The following DPP10 variants were observed in gnomAD, a reference collection of about 807,000 sequenced individuals.
The protein encoded by DPP10 is inactive dipeptidyl peptidase 10.
A neutral mutation model predicts 120.9 loss-of-function variants in DPP10; 33 were observed. The observed-to-expected ratio is 0.27, with a 90% CI of 0.21 to 0.37. The LOEUF (loss-of-function observed/expected upper bound fraction) is 0.37. Ranked by LOEUF, DPP10 falls within the 10% of genes least tolerant of loss-of-function variation. DPP10 has a pLI of 1.00. For synonymous variants in DPP10, 337 were observed against 326.1 expected, an observed-to-expected ratio of 1.03 and a Z score of -0.36; for missense variants, 816 against 942.8, an observed-to-expected ratio of 0.87 and a Z score of 1.76.
At chr2:114,903,010 GTTTTGCC>G (rs1254758279) in intron 1 of DPP10, among the ~76,000 whole-genome samples, 1 of 151,948 alleles carries the variant, frequency 6.6e-6, no homozygotes. Flanking sequence ...TATCTCTATA[GTTTTGCC>G]TTTGCCAGAA....
chr2:115,300,313 A>G (rs1026168331), intron 1 of DPP10, among the ~76,000 whole-genome samples: 9 of 152,068 alleles, frequency 5.9e-5, no homozygotes, highest in Non-Finnish European at 7.4e-5. Flanking sequence ...TTTAAGTGGA[A>G]TGATACAGTA....
In DPP10 at chr2:114,532,303, A is replaced by G. The variant is rs1423143318; in HGVS notation, c.60+89465A>G. Among the ~76,000 whole-genome samples the G allele has an allele frequency of 5.4e-5, 7 of 130,244 alleles. No homozygotes were observed. The South Asian group carries it at 1.7e-3, about 32-fold the overall frequency. 85.4% of individuals were successfully genotyped at this position (130,244 alleles called of 152,430 possible). ...TATATATATATATATATATACACAC[A>G]CACACACACACACAGATACACACCA... is the stretch of plus-strand genomic sequence containing the variant. On this transcript the variant is annotated intron_variant, in intron 1 of 25. Transcript: ENST00000410059.
intron 1 of DPP10, among the ~76,000 whole-genome samples, chr2:114,592,318 T>G (rs1418684769): frequency 3.3e-5 from 5 of 152,178 alleles, no homozygotes; most frequent in Admixed American, 3.3e-4. Flanking sequence ...TGTTTGATGG[T>G]AAACTTTTCC....
intron 1 of DPP10, among the ~76,000 whole-genome samples, chr2:115,262,810 T>G (rs1030351537): frequency 2.0e-5 from 3 of 152,170 alleles, no homozygotes; most frequent in Non-Finnish European, 4.4e-5. Flanking sequence ...CATGAATTAT[T>G]TCTTCCCAAG....
At chr2:115,778,842 C>T (rs565198803) in intron 15 of DPP10, among the ~76,000 whole-genome samples, 2 of 152,044 alleles carry the variant, frequency 1.3e-5, no homozygotes, top group Non-Finnish European at 2.9e-5. Flanking sequence ...TTCTCGTGGA[C>T]CTCCTGGAAC....
intron 1 of DPP10, among the ~76,000 whole-genome samples, chr2:115,214,852 T>C (rs552164170): frequency 6.6e-6 from 1 of 152,302 alleles, no homozygotes; most frequent in South Asian, 2.1e-4. Context: ...CTTGCTTCCT[T>C]TGACCCCCAG....
chr2:114,588,232 A>G (rs1384209519), intron 1 of DPP10, among the ~76,000 whole-genome samples: 1 of 152,222 alleles, frequency 6.6e-6, no homozygotes, highest in Non-Finnish European at 1.5e-5. Flanking sequence ...GGGTTTATAT[A>G]CAAAGGCGTA....
chr2:115,781,084 G>T, intron 16 of DPP10, 89 bp downstream of exon 16: 1 of 1,074,448 alleles, frequency 9.3e-7, no homozygotes, highest in Non-Finnish European at 1.3e-6. Context: ...TACTCTAGAT[G>T]ATTTCATAAT....
At position 115,360,071 on chromosome 2, in the gene DPP10, T is replaced by C. The variant is rs567933416; in HGVS notation, c.271+16159T>C. Among the ~76,000 whole-genome samples the C allele has an allele frequency of 1.5e-3, 231 of 152,354 alleles. 1 individual carries two copies. The highest frequency in any genetic ancestry group is 5.1e-3 in the African/African-American group (211 of 41,592). ...TCTCTTGAATCGCATTGAGCTTCCT[T>C]GTTACCAAGATTCTGAATTCTATGT... On this transcript the variant is annotated intron_variant, in intron 3 of 25. Coordinates refer to ENST00000410059, the MANE Select transcript of DPP10 (RefSeq NM_020868.6).
intron 1 of DPP10, among the ~76,000 whole-genome samples, chr2:114,490,405 G>A (rs1573474732): frequency 1.3e-5 from 2 of 152,114 alleles, no homozygotes; most frequent in African/African-American, 2.4e-5. Context: ...CTCCACTCTA[G>A]CACAGTAATT....
chr2:115,144,799 A>G (rs902290101), intron 1 of DPP10: 1 of 152,038 alleles, frequency 6.6e-6, no homozygotes, highest in African/African-American at 2.4e-5. Context: ...CATGTACCCT[A>G]AAACTTAAAG....
intron 5 of DPP10, among the ~76,000 whole-genome samples, chr2:115,634,143 T>G (rs1450158079): frequency 6.6e-6 from 1 of 152,160 alleles, no homozygotes; most frequent in Non-Finnish European, 1.5e-5. Flanking sequence ...ATCCGGTCAT[T>G]TATGTTCCTC....
chr2:114,919,011 T>G (rs1695007388), intron 1 of DPP10, among the ~76,000 whole-genome samples: 1 of 130,532 alleles, frequency 7.7e-6, no homozygotes, highest in African/African-American at 2.9e-5. Flanking sequence ...GTTGAAAAAA[T>G]TAAAATATAT....
chr2:115,408,532 G>A (rs1034041124), intron 3 of DPP10, among the ~76,000 whole-genome samples: 2 of 151,972 alleles, frequency 1.3e-5, no homozygotes, highest in Admixed American at 6.6e-5. Flanking sequence ...TTACTTTCAG[G>A]CATACGTGTA....
At chr2:115,568,553 CTTTTT>C (rs11404230) in intron 5 of DPP10, among the ~76,000 whole-genome samples, 1 of 147,720 alleles carries the variant, frequency 6.8e-6, no homozygotes, top group African/African-American at 2.5e-5. Context: ...TGAGGTTGAT[CTTTTT>C]TTTTTTGTAT....
At chr2:115,232,395 G>C (rs1173273380) in intron 1 of DPP10, among the ~76,000 whole-genome samples, 1 of 152,106 alleles carries the variant, frequency 6.6e-6, no homozygotes, top group Non-Finnish European at 1.5e-5. Flanking sequence ...AAGGCACTTA[G>C]CAAACTTGGG....
intron 3 of DPP10, among the ~76,000 whole-genome samples, chr2:115,489,453 C>G (rs1574997103): frequency 6.6e-6 from 1 of 152,000 alleles, no homozygotes; most frequent in East Asian, 1.9e-4. Flanking sequence ...TATCTCCTTC[C>G]TTTTGGAATT....
rs1320407541 is a variant in DPP10, at chr2:114,723,711, A to AT, written c.60+280881dup. On this transcript the variant is annotated intron_variant, in intron 1 of 25. Coordinates refer to ENST00000410059, the MANE Select transcript of DPP10 (RefSeq NM_020868.6). ...TTCTCCCCCTACCCTCTTTAGTGCT[A>AT]TTTTTTTTCTAAAATTGCCCTTTCC... 5.3e-5 allele frequency among the ~76,000 whole-genome samples: 8 copies of AT among 151,224 alleles called. No individual in the cohort carries two copies. The East Asian group carries it at 1.4e-3, about 26-fold the overall frequency.
At chr2:115,221,515 A>G (rs893265874) in intron 1 of DPP10, among the ~76,000 whole-genome samples, 9 of 152,182 alleles carry the variant, frequency 5.9e-5, no homozygotes, top group African/African-American at 2.2e-4. Context: ...GGGATGTGAC[A>G]GTAACTATAC....
Sources: gnomAD v4.1 joint callset for allele counts (sites outside exome capture counted in the v4.1 genomes callset) on GRCh38, gnomAD v4.1.1 for gene constraint, MANE v1.5 for transcripts, NCBI Gene and HGNC (gene_info 2026-07-23, HGNC 2026-07-21) for gene names.